HSPA13: variants seen among roughly 807,000 people sequenced by gnomAD.
The protein encoded by HSPA13 is heat shock 70 kDa protein 13.
Under a neutral mutation model 38.8 loss-of-function variants are expected in HSPA13, and 29 were observed. That is an observed-to-expected ratio of 0.75 (90% CI 0.56 to 1.02). The LOEUF is 1.02. Among genes scored for constraint, HSPA13 ranks in the 50% least tolerant of loss-of-function variants. The pLI, the probability that HSPA13 is intolerant of heterozygous loss-of-function variation, is 0.00. For synonymous variants in HSPA13, 192 were observed against 205.3 expected (o/e 0.94, Z 0.56); for missense variants, 451 against 560.9 (o/e 0.80, Z 1.98).
chr21:14,371,458 A>G lies in HSPA13; in HGVS notation c.*2159T>C, dbSNP rs1982826030. The stretch of plus-strand genomic sequence containing the variant: ...TTATTCATAAATGATCCCTTTCAGG[A>G]TGCATTATCTTTTAAATAAATAAAC... On this transcript the variant is annotated 3_prime_UTR_variant, in exon 5 of 5. Transcript: ENST00000285667. 1 of 152,138 alleles carries G rather than the reference A, an allele frequency of 6.6e-6. No homozygotes were observed. Among genetic ancestry groups the G allele is most frequent in the Non-Finnish European group, 1.5e-5 (1 of 67,980 alleles). 9.4% of individuals were successfully genotyped at this position (152,138 alleles called of 1,614,324 possible).
rs1245897714 is a variant in HSPA13 at position 14,372,572 on chromosome 21, A to T, written c.*1045T>A. Reference sequence around the variant, plus strand: ...GAAAAGAGTCCAAGTGTGATTATTTAAAAATAATAATAGAAAACAATAACA... The same window carrying T: ...GAAAAGAGTCCAAGTGTGATTATTTTAAAATAATAATAGAAAACAATAACA... On this transcript the variant is annotated 3_prime_UTR_variant, in exon 5 of 5. Coordinates refer to ENST00000285667, the MANE Select transcript of HSPA13 (RefSeq NM_006948.5). The T allele has an allele frequency of 6.6e-6, 1 of 152,160 alleles. No homozygotes were observed. Among genetic ancestry groups the T allele is most frequent in the African/African-American group, 2.4e-5 (1 of 41,458 alleles). 9.4% of individuals were successfully genotyped at this position (152,160 alleles called of 1,614,324 possible). A position where few individuals can be genotyped will look rare whatever the true frequency, so the allele number is the denominator to read the frequency against.
In HSPA13 at chr21:14,378,276, G is replaced by T; in HGVS notation, c.503C>A (p.Ala168Asp). 6.2e-7 allele frequency: 1 copy of T among 1,613,996 alleles called. No individual in the cohort carries two copies. Among genetic ancestry groups the T allele is most frequent in the Non-Finnish European group, 8.5e-7 (1 of 1,179,912 alleles). The change falls in exon 3 of 5, where the codon GCC becomes GAC. Residue 168 changes from alanine to aspartate, a missense_variant. Ala to Asp is a moderately radical substitution (Grantham distance 126, BLOSUM62 -2). Coordinates refer to ENST00000285667, the MANE Select transcript of HSPA13 (RefSeq NM_006948.5). ...MAEAYLGMPV[A>D]NAVISVPAEF... ...TGCTGGTACAGAAATGACAGCATTG[G>T]CAACTGGCATTCCAAGATATGCCTC...
At chr21:14,382,958 G>A (rs1984210438) in intron 1 of HSPA13, 137 bp downstream of exon 1, 3 of 1,076,210 alleles carry the variant, frequency 2.8e-6, no homozygotes, top group Non-Finnish European at 4.3e-6. Context: ...GCCGAAAACC[G>A]TCTCTAAGTC....
intron 3 of HSPA13, among the ~76,000 whole-genome samples, chr21:14,376,687 C>T (rs1234875581): frequency 6.6e-6 from 1 of 152,230 alleles, no homozygotes; most frequent in Non-Finnish European, 1.5e-5. Flanking sequence ...ACTCTGGCCA[C>T]ACTGACCAAC....
chr21:14,375,463 T>C lies in HSPA13; in HGVS notation c.748+189A>G, dbSNP rs997006127. Reference sequence around the variant, plus strand: ...TGTTAAAGAAAGCACTGCCCAAACCTCTTCAACTCTCCCTGCATTTTTCTG... The same window carrying C: ...TGTTAAAGAAAGCACTGCCCAAACCCCTTCAACTCTCCCTGCATTTTTCTG... On this transcript the variant is annotated intron_variant, in intron 4 of 4. Transcript: ENST00000285667. 8.6e-5 allele frequency among the ~76,000 whole-genome samples: 13 copies of C among 150,962 alleles called. No individual in the cohort carries two copies. The East Asian group carries it at 2.1e-3, about 25-fold the overall frequency.
Position 14,373,493 on chromosome 21 carries a change from T to C in HSPA13, c.*124A>G. 2 of 806,348 alleles carry C rather than the reference T, an allele frequency of 2.5e-6. No individual in the cohort carries two copies. The highest frequency in any genetic ancestry group is 3.8e-6 in the Non-Finnish European group (2 of 524,888). 49.9% of individuals were successfully genotyped at this position (806,348 alleles called of 1,614,324 possible). ...AAACACTATGTAAAATTTTCCTGTA[T>C]CTAAATGTTGCCCTCTAGGTAAATC... On this transcript the variant is annotated 3_prime_UTR_variant, in exon 5 of 5. Coordinates refer to ENST00000285667, the MANE Select transcript of HSPA13 (RefSeq NM_006948.5).
rs1376456626 is a variant in HSPA13, at chr21:14,372,359, T to C, written c.*1258A>G. The C allele has an allele frequency of 2.0e-5, 3 of 152,066 alleles. No individual in the cohort carries two copies. Among genetic ancestry groups the C allele is most frequent in the Non-Finnish European group, 1.5e-5 (1 of 67,904 alleles). 9.4% of individuals were successfully genotyped at this position (152,066 alleles called of 1,614,324 possible). A position where few individuals can be genotyped will look rare whatever the true frequency, so the allele number is the denominator to read the frequency against. On this transcript the variant is annotated 3_prime_UTR_variant, in exon 5 of 5. Transcript: ENST00000285667. ...TCAAATACAATGGGTATGACAGAAATCAAACTGTTATATTTTCTTTCTTGG... is the reference window on the plus strand; with the variant it reads ...TCAAATACAATGGGTATGACAGAAACCAAACTGTTATATTTTCTTTCTTGG...
At position 14,373,603 on chromosome 21, in the gene HSPA13, T is replaced by C; in HGVS notation, c.*14A>G. The C allele has an allele frequency of 6.3e-7, 1 of 1,588,354 alleles. No individual in the cohort carries two copies. Among genetic ancestry groups the C allele is most frequent in the East Asian group, 2.2e-5 (1 of 44,730 alleles). On this transcript the variant is annotated 3_prime_UTR_variant, in exon 5 of 5. Coordinates refer to ENST00000285667, the MANE Select transcript of HSPA13 (RefSeq NM_006948.5). ...ATCAGACAAGTTCACAAATAACCAT[T>C]ATTTCTGCAGAATTCAGTTGAAGTT...
Position 14,375,696 on chromosome 21 carries a change from A to G in HSPA13, c.704T>C (p.Leu235Ser), listed in dbSNP as rs766672652. The change falls in exon 4 of 5, where the codon TTA (leucine) becomes TCA (serine). Residue 235 changes from leucine (L) to serine (S), a missense_variant. By Grantham distance (145) the Leu-to-Ser change is moderately radical (BLOSUM62 -2). Transcript: ENST00000285667. ...AAACATCCCTCCTTGTTTATTCAGT[A>G]AAGACACATCTAGAGTTCCTCCGCC... ...DLGGGTLDVS[L>S]LNKQGGMFLT... The G allele has an allele frequency of 1.2e-6, 2 of 1,613,990 alleles. No homozygotes were observed. The highest frequency in any genetic ancestry group is 2.2e-5 in the East Asian group (1 of 44,868).
At chr21:14,378,904 C>T (rs1172343960) in intron 2 of HSPA13, among the ~76,000 whole-genome samples, 1 of 152,064 alleles carries the variant, frequency 6.6e-6, no homozygotes, top group Non-Finnish European at 1.5e-5. Flanking sequence ...AGGTGAAAGC[C>T]ACCGTGCTTG....
At chr21:14,377,980 C>T (rs1187011142) in intron 3 of HSPA13, among the ~76,000 whole-genome samples, 2 of 152,208 alleles carry the variant, frequency 1.3e-5, no homozygotes, top group Non-Finnish European at 2.9e-5. Context: ...GGGACTTCAC[C>T]CTGTGATAGT....
chr21:14,373,890 T>G lies in HSPA13; in HGVS notation c.1143A>C (p.Ile381=), dbSNP rs927424456. Reference sequence around the variant, plus strand: ...TCAATACTTGCTGAATGGGTACCAGTATTTTCTGAAAGAGGTCTTCATTAA... The same window carrying G: ...TCAATACTTGCTGAATGGGTACCAGGATTTTCTGAAAGAGGTCTTCATTAA... ...DTLNEDLFQK[I]LVPIQQVLKE... The change falls in exon 5 of 5, where the codon ATA becomes ATC. Residue 381 remains isoleucine, a synonymous_variant. Coordinates refer to ENST00000285667, the MANE Select transcript of HSPA13 (RefSeq NM_006948.5). 11 of 1,614,112 alleles carry G rather than the reference T, an allele frequency of 6.8e-6. No individual in the cohort carries two copies. The highest frequency in any genetic ancestry group is 5.0e-5 in the Admixed American group (3 of 60,008).
intron 1 of HSPA13, 56 bp from the exon 2 acceptor site, chr21:14,381,599 A>C (rs1247327536): frequency 2.2e-6 from 3 of 1,376,452 alleles, no homozygotes; most frequent in Non-Finnish European, 2.9e-6. Context: ...AATGTACTAA[A>C]TTACTGTAGC....
chr21:14,378,110 T>A, intron 3 of HSPA13, 89 bp downstream of exon 3: 1 of 913,080 alleles, frequency 1.1e-6, no homozygotes, highest in Non-Finnish European at 1.7e-6. Flanking sequence ...TATGGTTGTG[T>A]GGTTTGGGAA....
chr21:14,382,998 G>C, intron 1 of HSPA13, 97 bp downstream of exon 1: 1 of 1,389,346 alleles, frequency 7.2e-7, no homozygotes, highest in Non-Finnish European at 1.0e-6. Context: ...CGCTGCTCCA[G>C]CTAGATCCAG....
In HSPA13 at chr21:14,375,682, C is replaced by T; in HGVS notation, c.718G>A (p.Gly240Arg). The change falls in exon 4 of 5, where the codon GGA becomes AGA. Residue 240 changes from glycine to arginine, a missense_variant. Gly to Arg is a moderately radical substitution (Grantham distance 125). Coordinates refer to ENST00000285667, the MANE Select transcript of HSPA13 (RefSeq NM_006948.5). The stretch of plus-strand genomic sequence containing the variant: ...ATTGCTCGGGTTAGAAACATCCCTC[C>T]TTGTTTATTCAGTAAAGACACATCT... ...TLDVSLLNKQ[G>R]GMFLTRAMSG... 6.2e-7 allele frequency: 1 copy of T among 1,613,770 alleles called. No individual in the cohort carries two copies. The highest frequency in any genetic ancestry group is 8.5e-7 in the Non-Finnish European group (1 of 1,179,754).
At chr21:14,379,842 C>G (rs1405746776) in intron 2 of HSPA13, among the ~76,000 whole-genome samples, 1 of 151,760 alleles carries the variant, frequency 6.6e-6, no homozygotes, top group Non-Finnish European at 1.5e-5. Flanking sequence ...ATGGTGAAAT[C>G]CCGTCTCTAC....
chr21:14,380,115 A>C (rs542487560), intron 2 of HSPA13, among the ~76,000 whole-genome samples: 98 of 152,214 alleles, frequency 6.4e-4, no homozygotes, highest in Non-Finnish European at 1.1e-3. Flanking sequence ...TTAAATGTTT[A>C]AAAGAAAAAA....
Position 14,373,933 on chromosome 21 carries a change from C to T in HSPA13, c.1100G>A (p.Arg367Gln), listed in dbSNP as rs759112822. 21 of 1,614,090 alleles carry T rather than the reference C, an allele frequency of 1.3e-5. No individual in the cohort carries two copies. In the Admixed American group the frequency reaches 1.7e-4, roughly 13 times the overall value. The change falls in exon 5 of 5, where the codon CGG becomes CAG. Residue 367 changes from arginine (R) to glutamine (Q), a missense_variant. Transcript: ENST00000285667. ...SQVLFETEIS[R>Q]KLFDTLNEDL... ...TTCATTAAGGGTATCAAAGAGTTTC[C>T]GTGATATTTCTGTTTCAAATAAAAC...
Sources: allele counts gnomAD v4.1 joint callset (sites outside exome capture counted in the v4.1 genomes callset), GRCh38; gene constraint gnomAD v4.1.1; transcripts MANE v1.5; gene names NCBI Gene and HGNC (gene_info 2026-07-23, HGNC 2026-07-21).